OCA2: variants seen among roughly 807,000 people sequenced by gnomAD.
OCA2 encodes the protein P protein.
Under a neutral mutation model 100.2 loss-of-function variants are expected in OCA2, and 77 were observed. The ratio of observed to expected loss-of-function variants is 0.77; its 90% CI spans 0.64 to 0.93. The LOEUF is 0.93. Ranked by LOEUF, OCA2 falls within the 40% of genes least tolerant of loss-of-function variation. The pLI is 0.00. For missense variants in OCA2, 1,062 were observed against 1,089.1 expected (o/e 0.98, Z 0.35); for synonymous variants, 432 against 439.2 (o/e 0.98, Z 0.21).
chr15:27,883,227 A>G (rs981353998), intron 19 of OCA2, among the ~76,000 whole-genome samples: 2 of 152,182 alleles, frequency 1.3e-5, no homozygotes, highest in Non-Finnish European at 2.9e-5. Flanking sequence ...CTAGGGAGAA[A>G]TCCAGGAGAG....
intron 22 of OCA2, among the ~76,000 whole-genome samples, chr15:27,850,934 A>G (rs1436443913): frequency 6.6e-6 from 1 of 152,168 alleles, no homozygotes; most frequent in Non-Finnish European, 1.5e-5. Flanking sequence ...CACTGTCTCC[A>G]AAGTGCAATG....
intron 23 of OCA2, among the ~76,000 whole-genome samples, chr15:27,844,363 G>C (rs1372318901): frequency 6.6e-6 from 1 of 152,206 alleles, no homozygotes; most frequent in Non-Finnish European, 1.5e-5. Flanking sequence ...CGTCTTCGTG[G>C]ACAGTCAGGG....
intron 15 of OCA2, among the ~76,000 whole-genome samples, chr15:27,961,026 T>C (rs1199729137): frequency 6.6e-6 from 1 of 151,838 alleles, no homozygotes; most frequent in Non-Finnish European, 1.5e-5. Context: ...ACCTATAGAA[T>C]GGCAGAAAAT....
In OCA2 at chr15:27,997,521, T is replaced by C. The variant is rs559955324; in HGVS notation, c.1045-6874A>G. Among the ~76,000 whole-genome samples the C allele has an allele frequency of 1.3e-3, 193 of 152,140 alleles. 1 individual carries two copies. Among genetic ancestry groups the C allele is most frequent in the African/African-American group, 4.4e-3 (182 of 41,560 alleles). Reference sequence around the variant, plus strand: ...GGCGTTATTTCTGAGGGCTCTGTTCTGTTCCATTGATCTATATCTCTGTTT... The same window carrying C: ...GGCGTTATTTCTGAGGGCTCTGTTCCGTTCCATTGATCTATATCTCTGTTT... On this transcript the variant is annotated intron_variant, in intron 9 of 23. Coordinates refer to ENST00000354638, the MANE Select transcript of OCA2 (RefSeq NM_000275.3).
intron 19 of OCA2, among the ~76,000 whole-genome samples, chr15:27,913,894 AGC>A (rs66891758): frequency 0.042 from 1,226 of 28,898 alleles, 91 homozygotes; most frequent in East Asian, 0.16. Context: ...AAAGAAAGAA[AGC>A]AAGCAAGCAA....
intron 19 of OCA2, among the ~76,000 whole-genome samples, chr15:27,910,967 A>G (rs2038372878): frequency 6.6e-6 from 1 of 152,108 alleles, no homozygotes; most frequent in African/African-American, 2.4e-5. Context: ...AAAAAAAGAA[A>G]GAAAGAAAAA....
intron 19 of OCA2, among the ~76,000 whole-genome samples, chr15:27,918,429 C>T (rs2038746001): frequency 6.6e-6 from 1 of 152,028 alleles, no homozygotes; most frequent in Non-Finnish European, 1.5e-5. Context: ...CTGCTGAGGA[C>T]CCAAATAAAA....
chr15:28,025,932 C>A (rs2042734642), intron 4 of OCA2, among the ~76,000 whole-genome samples: 1 of 152,220 alleles, frequency 6.6e-6, no homozygotes. Context: ...GTTTTGCATT[C>A]TCTTAGATTT....
chr15:27,768,333 A>T (rs1047752424), intron 23 of OCA2, among the ~76,000 whole-genome samples: 1 of 152,240 alleles, frequency 6.6e-6, no homozygotes, highest in Admixed American at 6.5e-5. Context: ...TATCAGGTCC[A>T]GAGAGAATCG....
intron 23 of OCA2, chr15:27,776,885 G>C (rs919968599): frequency 1.3e-5 from 2 of 152,168 alleles, no homozygotes; most frequent in Admixed American, 6.6e-5. Context: ...GGCAACATGA[G>C]GGCAGCTTTC....
chr15:27,890,205 G>A (rs897692326), intron 19 of OCA2, among the ~76,000 whole-genome samples: 1 of 152,190 alleles, frequency 6.6e-6, no homozygotes, highest in Non-Finnish European at 1.5e-5. Context: ...TCAGGGAACT[G>A]TAGAACTATT....
chr15:27,794,454 G>T lies in OCA2; in HGVS notation c.2433-38982C>A, dbSNP rs984813654. 5.3e-5 allele frequency among the ~76,000 whole-genome samples: 8 copies of T among 152,298 alleles called. No homozygotes were observed. In the East Asian group the frequency reaches 1.5e-3, roughly 29 times the overall value. On this transcript the variant is annotated intron_variant, in intron 23 of 23. Coordinates refer to ENST00000354638, the MANE Select transcript of OCA2 (RefSeq NM_000275.3). ...TCTGTCAGGAAACAACTTCAAATGA[G>T]TCGGGAGTATATCAATACATAAGCA...
At chr15:27,912,512 A>G (rs551714770) in intron 19 of OCA2, among the ~76,000 whole-genome samples, 4 of 152,252 alleles carry the variant, frequency 2.6e-5, no homozygotes, top group Non-Finnish European at 5.9e-5. Context: ...TAATCTGAGC[A>G]ACAAAATAAA....
intron 21 of OCA2, among the ~76,000 whole-genome samples, chr15:27,855,909 G>A (rs560645517): frequency 7.9e-5 from 12 of 152,318 alleles, no homozygotes; most frequent in Admixed American, 2.6e-4. Context: ...TACTGTATGA[G>A]CTCCCTGTAG....
chr15:27,980,075 T>C (rs1184917462), intron 14 of OCA2, among the ~76,000 whole-genome samples: 1 of 151,980 alleles, frequency 6.6e-6, no homozygotes, highest in African/African-American at 2.4e-5. Context: ...TCAATTCTAC[T>C]TACATGTTAC....
chr15:27,983,628 G>A, intron 13 of OCA2, 145 bp from the exon 14 acceptor site: 1 of 867,356 alleles, frequency 1.2e-6, no homozygotes, highest in Admixed American at 2.0e-5. Context: ...AGTGCTGGGG[G>A]GAATGAACAA....
intron 23 of OCA2, among the ~76,000 whole-genome samples, chr15:27,792,342 C>T (rs550434811): frequency 6.6e-6 from 1 of 152,296 alleles, no homozygotes; most frequent in East Asian, 1.9e-4. Flanking sequence ...GACATTTCTA[C>T]AGAACCATTG....
At chr15:28,027,526 GGT>G (rs1398185917) in intron 4 of OCA2, among the ~76,000 whole-genome samples, 1 of 152,170 alleles carries the variant, frequency 6.6e-6, no homozygotes, top group Non-Finnish European at 1.5e-5. Context: ...TAACTACAAA[GGT>G]ATATCAAATT....
intron 6 of OCA2, 71 bp downstream of exon 6, chr15:28,022,430 G>A (rs139242333): frequency 7.3e-4 from 809 of 1,115,128 alleles, no homozygotes; most frequent in Non-Finnish European, 9.7e-4. Context: ...AGTCACAACC[G>A]TCTGCAAGTG....
Sources: gnomAD v4.1 joint callset for allele counts (sites outside exome capture counted in the v4.1 genomes callset) on GRCh38, gnomAD v4.1.1 for gene constraint, MANE v1.5 for transcripts, NCBI Gene and HGNC (gene_info 2026-07-23, HGNC 2026-07-21) for gene names.